Variants in FAM43A observed in about 807,000 individuals in gnomAD.
FAM43A encodes family with sequence similarity 43 member A, also known as protein FAM43A.
In FAM43A, 11 loss-of-function variants were observed where a neutral mutation model predicts 15.7. That is an observed-to-expected ratio of 0.70 (90% CI 0.44 to 1.16). FAM43A has a LOEUF of 1.16. Among genes scored for constraint, FAM43A ranks in the 50% most tolerant of loss-of-function variants. FAM43A has a pLI of 0.00. For missense variants in FAM43A, 573 were observed against 620.0 expected (o/e 0.92, Z 0.80); for synonymous variants, 319 against 291.7 (o/e 1.09, Z -0.96).
chr3:194,688,528 T>TAA lies in FAM43A; in HGVS notation c.*444_*445dup, dbSNP rs5855590. ...CCCTGCGCTGTCACTGACATCTCAT[T>TAA]AAAAAAAAAAAAAAATTTGCTCTCA... On this transcript the variant is annotated 3_prime_UTR_variant, in exon 1 of 1. Coordinates refer to ENST00000329759, the MANE Select transcript of FAM43A (RefSeq NM_153690.5). The TAA allele has an allele frequency of 0.042, 6,669 of 159,726 alleles. 143 individuals are homozygous for TAA. Among genetic ancestry groups the TAA allele is most frequent in the African/African-American group, 0.062 (2,434 of 39,434 alleles). 9.9% of individuals were successfully genotyped at this position (159,726 alleles called of 1,614,324 possible). A position where few individuals can be genotyped will look rare whatever the true frequency, so the allele number is the denominator to read the frequency against.
rs767000679 is a variant in FAM43A, at chr3:194,686,176, G to C, written c.-651G>C. On this transcript the variant is annotated 5_prime_UTR_variant, in exon 1 of 1. Coordinates refer to ENST00000329759, the MANE Select transcript of FAM43A (RefSeq NM_153690.5). ...GGGACTGCTGCGCGGGGCCCGCCGC[G>C]GCCAGCCGGACCCAGCATCCGACCG... Among the ~76,000 whole-genome samples the C allele has an allele frequency of 6.6e-6, 1 of 152,214 alleles. No individual in the cohort carries two copies. The highest frequency in any genetic ancestry group is 1.5e-5 in the Non-Finnish European group (1 of 68,040).
At position 194,688,188 on chromosome 3, in the gene FAM43A, G is replaced by A. The variant is rs1043247562; in HGVS notation, c.*90G>A. 1.4e-5 allele frequency: 17 copies of A among 1,235,136 alleles called. No individual in the cohort carries two copies. Among genetic ancestry groups the A allele is most frequent in the Non-Finnish European group, 1.7e-5 (17 of 975,484 alleles). The allele number at this position is 1,235,136 out of a possible 1,614,324, so 76.5% of individuals were successfully genotyped here. On this transcript the variant is annotated 3_prime_UTR_variant, in exon 1 of 1. Coordinates refer to ENST00000329759, the MANE Select transcript of FAM43A (RefSeq NM_153690.5). ...TCCCTTGCCCGCCCCCAGGAAGGGG[G>A]AAATGGGGCATTTGGGGCCCAGACC... is the stretch of plus-strand genomic sequence containing the variant.
chr3:194,687,674 A>G lies in FAM43A; in HGVS notation c.848A>G (p.Glu283Gly), dbSNP rs1360986111. ...CCCGAGGGCTGCCCGGAGGAGGAGG[A>G]GAACCGTGCGGCAGAGGGAGATCCA... Reference protein sequence around the residue: ...EQPEGCPEEEENRAAEGDPAE... With the variant: ...EQPEGCPEEEGNRAAEGDPAE... The change falls in exon 1 of 1, where the codon GAG (glutamate) becomes GGG (glycine). Residue 283 changes from glutamate (E) to glycine (G), a missense_variant. Physicochemically the swap from Glu to Gly is moderately conservative, Grantham distance 98. Coordinates refer to ENST00000329759, the MANE Select transcript of FAM43A (RefSeq NM_153690.5). 2.6e-6 allele frequency: 4 copies of G among 1,563,644 alleles called. No homozygotes were observed. In the African/African-American group the frequency reaches 5.4e-5, roughly 21 times the overall value.
In FAM43A at chr3:194,687,854, T is replaced by C; in HGVS notation, c.1028T>C (p.Leu343Pro). Reference protein sequence around the residue: ...GPGAGPPPLLLGSASDMKAEL... With the variant: ...GPGAGPPPLLPGSASDMKAEL... ...GGGGCCGGGCCGCCGCCTCTGCTGC[T>C]GGGCAGCGCCTCCGACATGAAGGCT... is the stretch of plus-strand genomic sequence containing the variant. Residue 343 changes from leucine (L) to proline (P), a missense_variant, in exon 1 of 1, where the codon CTG (leucine) becomes CCG (proline). Coordinates refer to ENST00000329759, the MANE Select transcript of FAM43A (RefSeq NM_153690.5). The C allele has an allele frequency of 6.9e-7, 1 of 1,456,342 alleles. No individual in the cohort carries two copies. Among genetic ancestry groups the C allele is most frequent in the Non-Finnish European group, 9.1e-7 (1 of 1,103,072 alleles). 90.2% of individuals were successfully genotyped at this position (1,456,342 alleles called of 1,614,324 possible).
Position 194,687,236 on chromosome 3 carries a change from T to G in FAM43A, c.410T>G (p.Leu137Arg). The G allele has an allele frequency of 6.2e-7, 1 of 1,601,902 alleles. No homozygotes were observed. Among genetic ancestry groups the G allele is most frequent in the Non-Finnish European group, 8.5e-7 (1 of 1,179,146 alleles). Reference protein sequence around the residue: ...ALRRPGHLYLLHRVTYCVADA... With the variant: ...ALRRPGHLYLRHRVTYCVADA... ...CGCCGCCCGGGCCACCTCTACCTGC[T>G]GCACCGCGTCACCTACTGCGTGGCC... Residue 137 changes from leucine to arginine, a missense_variant, in exon 1 of 1, where the codon CTG (leucine) becomes CGG (arginine). Coordinates refer to ENST00000329759, the MANE Select transcript of FAM43A (RefSeq NM_153690.5).
In FAM43A at chr3:194,687,394, C is replaced by T; in HGVS notation, c.568C>T (p.Gln190Ter). ...KAQAMALLLYQTSANALAEFK... is the reference protein window; with the variant it reads ...KAQAMALLLY Reference sequence around the variant, plus strand: ...GCAGGCCATGGCCCTGCTGCTCTACCAGACGTCGGCCAACGCGCTGGCGGA... The same window carrying T: ...GCAGGCCATGGCCCTGCTGCTCTACTAGACGTCGGCCAACGCGCTGGCGGA... Residue 190 changes from glutamine to a stop codon, truncating the protein, a stop_gained, in exon 1 of 1, where the codon CAG (glutamine) becomes TAG (stop). Coordinates refer to ENST00000329759, the MANE Select transcript of FAM43A (RefSeq NM_153690.5). LOFTEE classifies it high-confidence loss of function. The T allele has an allele frequency of 6.5e-7, 1 of 1,534,734 alleles. No individual in the cohort carries two copies. The highest frequency in any genetic ancestry group is 8.8e-7 in the Non-Finnish European group (1 of 1,140,720).
Position 194,687,597 on chromosome 3 carries a change from G to T in FAM43A, c.771G>T (p.Leu257=). 1.3e-6 allele frequency: 2 copies of T among 1,579,650 alleles called. No individual in the cohort carries two copies. Among genetic ancestry groups the T allele is most frequent in the Admixed American group, 1.8e-5 (1 of 55,228 alleles). Residue 257 remains leucine, a synonymous_variant, in exon 1 of 1, where the codon CTG becomes CTT. Transcript: ENST00000329759. The part of the protein sequence containing the change: ...APKLGSITED[L]LGEQLEQELQ... ...AGCTTGGCTCCATCACCGAGGACCTGCTCGGCGAACAGCTGGAGCAGGAGC... is the reference window on the plus strand; with the variant it reads ...AGCTTGGCTCCATCACCGAGGACCTTCTCGGCGAACAGCTGGAGCAGGAGC...
At position 194,688,158 on chromosome 3, in the gene FAM43A, C is replaced by G. The variant is rs1050726587; in HGVS notation, c.*60C>G. On this transcript the variant is annotated 3_prime_UTR_variant, in exon 1 of 1. Coordinates refer to ENST00000329759, the MANE Select transcript of FAM43A (RefSeq NM_153690.5). ...TACCCATCCGTGGTCCCGACAACCT[C>G]CCTGTCCCTTGCCCGCCCCCAGGAA... 11 of 1,284,846 alleles carry G rather than the reference C, an allele frequency of 8.6e-6. No individual in the cohort carries two copies. The highest frequency in any genetic ancestry group is 1.1e-5 in the Non-Finnish European group (11 of 1,008,986). The allele number at this position is 1,284,846 out of a possible 1,614,324, so 79.6% of individuals were successfully genotyped here.
Position 194,688,063 on chromosome 3 carries a change from G to C in FAM43A, c.1237G>C (p.Asp413His). The change falls in exon 1 of 1, where the codon GAC (aspartate) becomes CAC (histidine). Residue 413 changes from aspartate (D) to histidine (H), a missense_variant. Asp to His is a moderately conservative substitution (Grantham distance 81, BLOSUM62 -1). Coordinates refer to ENST00000329759, the MANE Select transcript of FAM43A (RefSeq NM_153690.5). ...ATAGDSSRQA[D>H]GASADEPHSG ...CGCCGGGGACTCGTCCCGCCAGGCCGACGGCGCCAGTGCAGACGAGCCCCA... is the reference window on the plus strand; with the variant it reads ...CGCCGGGGACTCGTCCCGCCAGGCCCACGGCGCCAGTGCAGACGAGCCCCA... The C allele has an allele frequency of 1.4e-6, 2 of 1,405,618 alleles. No homozygotes were observed. The highest frequency in any genetic ancestry group is 9.3e-7 in the Non-Finnish European group (1 of 1,078,878). 87.1% of individuals were successfully genotyped at this position (1,405,618 alleles called of 1,614,324 possible).
In FAM43A at chr3:194,687,706, G is replaced by C. The variant is rs148973402; in HGVS notation, c.880G>C (p.Glu294Gln). The change falls in exon 1 of 1, where the codon GAG becomes CAG. Residue 294 changes from glutamate (E) to glutamine (Q), a missense_variant. Glu to Gln is a conservative substitution (Grantham distance 29). Coordinates refer to ENST00000329759, the MANE Select transcript of FAM43A (RefSeq NM_153690.5). The stretch of plus-strand genomic sequence containing the variant: ...TGCGGCAGAGGGAGATCCAGCAGAG[G>C]AGGAGGCCGAGGCGCAGCGTGCGCT... ...NRAAEGDPAEEEAEAQRALVV... is the reference protein window; with the variant it reads ...NRAAEGDPAEQEAEAQRALVV... 6.0e-5 allele frequency: 93 copies of C among 1,562,296 alleles called. No individual in the cohort carries two copies. Among genetic ancestry groups the C allele is most frequent in the Non-Finnish European group, 7.2e-5 (83 of 1,152,578 alleles).
Position 194,686,103 on chromosome 3 carries a change from G to A in FAM43A, c.-724G>A, listed in dbSNP as rs1719410668. 6.6e-6 allele frequency among the ~76,000 whole-genome samples: 1 copy of A among 152,246 alleles called. No individual in the cohort carries two copies. Among genetic ancestry groups the A allele is most frequent in the South Asian group, 2.1e-4 (1 of 4,828 alleles). On this transcript the variant is annotated 5_prime_UTR_variant, in exon 1 of 1. Transcript: ENST00000329759. ...CCAGCCCGGACACTGAGCGGGCCGA[G>A]CGCGAGTCCCCGGCGTCCGGCGGAG...
Position 194,688,000 on chromosome 3 carries a change from T to C in FAM43A, c.1174T>C (p.Ser392Pro), listed in dbSNP as rs746885698. The C allele has an allele frequency of 7.0e-7, 1 of 1,423,730 alleles. No homozygotes were observed. Among genetic ancestry groups the C allele is most frequent in the South Asian group, 1.7e-5 (1 of 60,274 alleles). 88.2% of individuals were successfully genotyped at this position (1,423,730 alleles called of 1,614,324 possible). The change falls in exon 1 of 1, where the codon TCC becomes CCC. Residue 392 changes from serine to proline, a missense_variant. Ser to Pro is a moderately conservative substitution (Grantham distance 74). Coordinates refer to ENST00000329759, the MANE Select transcript of FAM43A (RefSeq NM_153690.5). ...AGGCGACAGCACGGGCAGCGAGAGC[T>C]CCATCGAGGGCGGGGGCCCTGACGC... ...LSGDSTGSES[S>P]IEGGGPDATS...
chr3:194,688,061 C>T lies in FAM43A; in HGVS notation c.1235C>T (p.Ala412Val). Residue 412 changes from alanine (A) to valine (V), a missense_variant, in exon 1 of 1, where the codon GCC becomes GTC. Transcript: ENST00000329759. Reference sequence around the variant, plus strand: ...ACCGCCGGGGACTCGTCCCGCCAGGCCGACGGCGCCAGTGCAGACGAGCCC... The same window carrying T: ...ACCGCCGGGGACTCGTCCCGCCAGGTCGACGGCGCCAGTGCAGACGAGCCC... ...SATAGDSSRQ[A>V]DGASADEPHS... is the part of the protein sequence containing the mutation. 1 of 1,404,768 alleles carries T rather than the reference C, an allele frequency of 7.1e-7. No homozygotes were observed. The highest frequency in any genetic ancestry group is 9.3e-7 in the Non-Finnish European group (1 of 1,078,294). The allele number at this position is 1,404,768 out of a possible 1,614,324, so 87.0% of individuals were successfully genotyped here. A position where few individuals can be genotyped will look rare whatever the true frequency, so the allele number is the denominator to read the frequency against.
At position 194,686,554 on chromosome 3, in the gene FAM43A, C is replaced by T. The variant is rs1165413995; in HGVS notation, c.-273C>T. The T allele has an allele frequency of 3.1e-6, 1 of 324,838 alleles. No individual in the cohort carries two copies. The highest frequency in any genetic ancestry group is 5.0e-5 in the Admixed American group (1 of 19,900). 20.1% of individuals were successfully genotyped at this position (324,838 alleles called of 1,614,324 possible). ...CGCCCTTGCCCAGGCTGGGGTAATT[C>T]TGTGTGCGCGCGTGTCTCCCCCGCA... is the stretch of plus-strand genomic sequence containing the variant. On this transcript the variant is annotated 5_prime_UTR_variant, in exon 1 of 1. Coordinates refer to ENST00000329759, the MANE Select transcript of FAM43A (RefSeq NM_153690.5).
Position 194,687,560 on chromosome 3 carries a change from G to T in FAM43A, c.734G>T (p.Arg245Leu), listed in dbSNP as rs373071069. Reference sequence around the variant, plus strand: ...TATAAACCGCCGGTGGAGCGCAGCCGCAGCGCGCCCAAGCTTGGCTCCATC... The same window carrying T: ...TATAAACCGCCGGTGGAGCGCAGCCTCAGCGCGCCCAAGCTTGGCTCCATC... ...CCYKPPVERS[R>L]SAPKLGSITE... The change falls in exon 1 of 1, where the codon CGC becomes CTC. Residue 245 changes from arginine (R) to leucine (L), a missense_variant. Transcript: ENST00000329759. 1.6e-5 allele frequency: 26 copies of T among 1,585,842 alleles called. No homozygotes were observed. In the Admixed American group the frequency reaches 2.3e-4, roughly 14 times the overall value.
Position 194,687,870 on chromosome 3 carries a change from C to T in FAM43A, c.1044C>T (p.Asp348=), listed in dbSNP as rs1307387781. ...PPPLLLGSAS[D]MKAELSQLIS... is the part of the protein sequence containing the mutation. ...CTCTGCTGCTGGGCAGCGCCTCCGA[C>T]ATGAAGGCTGAGCTGTCGCAACTTA... The change falls in exon 1 of 1, where the codon GAC becomes GAT. Residue 348 remains aspartate, a synonymous_variant. Coordinates refer to ENST00000329759, the MANE Select transcript of FAM43A (RefSeq NM_153690.5). 41 of 1,465,172 alleles carry T rather than the reference C, an allele frequency of 2.8e-5. No individual in the cohort carries two copies. Among genetic ancestry groups the T allele is most frequent in the Non-Finnish European group, 3.7e-5 (41 of 1,107,858 alleles). 90.8% of individuals were successfully genotyped at this position (1,465,172 alleles called of 1,614,324 possible). A position where few individuals can be genotyped will look rare whatever the true frequency, so the allele number is the denominator to read the frequency against.
Position 194,687,993 on chromosome 3 carries a change from C to A in FAM43A, c.1167C>A (p.Ser389Arg), listed in dbSNP as rs1368451678. 3 of 1,426,956 alleles carry A rather than the reference C, an allele frequency of 2.1e-6. No homozygotes were observed. Among genetic ancestry groups the A allele is most frequent in the Non-Finnish European group, 2.7e-6 (3 of 1,090,932 alleles). 88.4% of individuals were successfully genotyped at this position (1,426,956 alleles called of 1,614,324 possible). A position where few individuals can be genotyped will look rare whatever the true frequency, so the allele number is the denominator to read the frequency against. ...TRLLSGDSTG[S>R]ESSIEGGGPD... ...TGCTGTCAGGCGACAGCACGGGCAGCGAGAGCTCCATCGAGGGCGGGGGCC... is the reference window on the plus strand; with the variant it reads ...TGCTGTCAGGCGACAGCACGGGCAGAGAGAGCTCCATCGAGGGCGGGGGCC... The change falls in exon 1 of 1, where the codon AGC (serine) becomes AGA (arginine). Residue 389 changes from serine (S) to arginine (R), a missense_variant. By Grantham distance (110) the Ser-to-Arg change is moderately radical. Coordinates refer to ENST00000329759, the MANE Select transcript of FAM43A (RefSeq NM_153690.5).
In FAM43A at chr3:194,687,725, G is replaced by A. The variant is rs1275985126; in HGVS notation, c.899G>A (p.Arg300His). 4.5e-6 allele frequency: 7 copies of A among 1,558,816 alleles called. No homozygotes were observed. The highest frequency in any genetic ancestry group is 6.1e-6 in the Non-Finnish European group (7 of 1,150,744). ...DPAEEEAEAQRALVVAMHFEC... is the reference protein window; with the variant it reads ...DPAEEEAEAQHALVVAMHFEC... ...GCAGAGGAGGAGGCCGAGGCGCAGC[G>A]TGCGCTAGTGGTCGCCATGCACTTT... The change falls in exon 1 of 1, where the codon CGT (arginine) becomes CAT (histidine). Residue 300 changes from arginine to histidine, a missense_variant. Arg to His is a conservative substitution (Grantham distance 29). Transcript: ENST00000329759.
rs767826219 is a variant in FAM43A, at chr3:194,686,896, AAGG to A, written c.71_73del (p.Lys24_Gly25delinsSer). On this transcript the variant is annotated inframe_deletion, in exon 1 of 1. Transcript: ENST00000329759. The stretch of plus-strand genomic sequence containing the variant: ...GCCGCCGCGGCAGGCGTCCAAGCCC[AAGG>A]GCTACGCTGTGAGCCTGCACTACTC... 3 of 1,607,524 alleles carry A rather than the reference AAGG, an allele frequency of 1.9e-6. No individual in the cohort carries two copies. The East Asian group carries it at 6.8e-5, about 36-fold the overall frequency.
Sources: gnomAD v4.1 joint callset for allele counts (sites outside exome capture counted in the v4.1 genomes callset) on GRCh38, gnomAD v4.1.1 for gene constraint, MANE v1.5 for transcripts, NCBI Gene and HGNC (gene_info 2026-07-23, HGNC 2026-07-21) for gene names.